ARHGAP22: variants seen among roughly 807,000 people sequenced by gnomAD.
The protein encoded by ARHGAP22 is Rho GTPase activating protein 22, also known as rho GTPase-activating protein 22.
A neutral mutation model predicts 59.1 loss-of-function variants in ARHGAP22; 48 were observed. The observed-to-expected ratio is 0.81, with a 90% CI of 0.64 to 1.03. The LOEUF is 1.03. ARHGAP22 is among the 50% of genes least tolerant of loss of function. ARHGAP22 has a pLI of 0.00. For missense variants in ARHGAP22, 1,015 were observed against 958.7 expected (o/e 1.06, Z -0.78); for synonymous variants, 445 against 416.4 (o/e 1.07, Z -0.84).
intron 9 of ARHGAP22, among the ~76,000 whole-genome samples, chr10:48,447,825 A>G (rs1485859807): frequency 6.6e-6 from 1 of 152,206 alleles, no homozygotes; most frequent in Non-Finnish European, 1.5e-5. Flanking sequence ...GCTCAGCTGA[A>G]CAATGATGTC....
intron 1 of ARHGAP22, among the ~76,000 whole-genome samples, chr10:48,598,468 T>G (rs981547794): frequency 3.3e-5 from 5 of 152,076 alleles, no homozygotes; most frequent in Non-Finnish European, 5.9e-5. Context: ...CAGCTGGCAC[T>G]GGGGGAAGAG....
chr10:48,618,120 T>C (rs1378584489), intron 1 of ARHGAP22, among the ~76,000 whole-genome samples: 1 of 152,038 alleles, frequency 6.6e-6, no homozygotes, highest in Non-Finnish European at 1.5e-5. Context: ...AGTAAATTTC[T>C]GGACATATAC....
chr10:48,457,710 G>T (rs2133748413), intron 5 of ARHGAP22, among the ~76,000 whole-genome samples: 1 of 152,274 alleles, frequency 6.6e-6, no homozygotes, highest in East Asian at 1.9e-4. Context: ...AGGCTTCCAG[G>T]CCTGGTGAGG....
intron 6 of ARHGAP22, 81 bp from the exon 7 acceptor site, chr10:48,454,242 G>C: frequency 7.6e-7 from 1 of 1,308,012 alleles, no homozygotes. Context: ...GGTGGGCAAA[G>C]AGAAGGGAGG....
chr10:48,495,231 G>A (rs2050796363), intron 3 of ARHGAP22, among the ~76,000 whole-genome samples: 1 of 152,182 alleles, frequency 6.6e-6, no homozygotes, highest in African/African-American at 2.4e-5. Flanking sequence ...GGGATGTGGA[G>A]GGCTCTGGGA....
At chr10:48,541,758 G>A (rs1228902993) in intron 3 of ARHGAP22, among the ~76,000 whole-genome samples, 2 of 152,186 alleles carry the variant, frequency 1.3e-5, no homozygotes, top group Non-Finnish European at 2.9e-5. Context: ...GGACACTAAA[G>A]GCACCTTCCA....
At chr10:48,574,609 A>ATGTG (rs2058595715) in intron 2 of ARHGAP22, 1 of 152,192 alleles carries the variant, frequency 6.6e-6, no homozygotes, top group South Asian at 2.1e-4. Flanking sequence ...CTGTGAGCAC[A>ATGTG]AGATGAGCTC....
chr10:48,441,644 G>C (rs919880751), downstream of ARHGAP22, among the ~76,000 whole-genome samples: 10 of 152,066 alleles, frequency 6.6e-5, no homozygotes, highest in African/African-American at 2.4e-4. Context: ...AGTAGAGACA[G>C]GGTTTCACCA....
intron 2 of ARHGAP22, among the ~76,000 whole-genome samples, chr10:48,572,003 G>A (rs976339465): frequency 1.5e-4 from 23 of 152,122 alleles, no homozygotes; most frequent in Non-Finnish European, 3.2e-4. Flanking sequence ...TCTTGGCCAA[G>A]GGGAACCTAG....
chr10:48,604,635 A>G, intron 1 of ARHGAP22, 128 bp downstream of exon 1: 2 of 1,445,326 alleles, frequency 1.4e-6, no homozygotes, highest in Non-Finnish European at 1.9e-6. Flanking sequence ...GATGCTCACT[A>G]TTCAGCGGCA....
chr10:48,561,372 C>A (rs2057676882), intron 2 of ARHGAP22, among the ~76,000 whole-genome samples: 1 of 152,094 alleles, frequency 6.6e-6, no homozygotes, highest in Non-Finnish European at 1.5e-5. Context: ...GAATGATATA[C>A]CTAAACACAA....
At chr10:48,560,370 C>A (rs1447428327) in intron 2 of ARHGAP22, among the ~76,000 whole-genome samples, 2 of 152,116 alleles carry the variant, frequency 1.3e-5, no homozygotes, top group African/African-American at 4.8e-5. Context: ...TTTTCCCCAA[C>A]AATAATAACT....
At chr10:48,557,231 T>C (rs1405097073) in intron 2 of ARHGAP22, among the ~76,000 whole-genome samples, 5 of 152,132 alleles carry the variant, frequency 3.3e-5, no homozygotes, top group African/African-American at 1.2e-4. Context: ...GATCCATCAC[T>C]GGCTAACGGG....
At chr10:48,557,685 C>A (rs7350424) in intron 2 of ARHGAP22, among the ~76,000 whole-genome samples, 23,286 of 152,226 alleles carry the variant, frequency 0.15, 1,883 homozygotes, top group Admixed American at 0.23. Context: ...AAGAAGCCAC[C>A]GTGGAGAGCC....
chr10:48,483,036 T>C (rs1564741450), intron 3 of ARHGAP22, among the ~76,000 whole-genome samples: 1 of 152,100 alleles, frequency 6.6e-6, no homozygotes, highest in Non-Finnish European at 1.5e-5. Context: ...CATGCAATAT[T>C]TGTTTTTCTA....
At position 48,479,652 on chromosome 10, in the gene ARHGAP22, CCA is replaced by C; in HGVS notation, c.433_434del (p.Trp145GlyfsTer45). ...GGGCAGTACCTCCGCCCAGCGGGGC[CCA>C]GATGACTCGGCGGATGGCCTGCACC... ...DWVQAIRRVIWAPLGGGIFGQ... is the reference protein window; with the variant it reads ...DWVQAIRRVIXAPLGGGIFGQ... On this transcript the variant is annotated frameshift_variant, in exon 4 of 10. Coordinates refer to ENST00000249601, the MANE Select transcript of ARHGAP22 (RefSeq NM_021226.4). LOFTEE classifies it high-confidence loss of function. 1 of 1,613,772 alleles carries C rather than the reference CCA, an allele frequency of 6.2e-7. No homozygotes were observed. The highest frequency in any genetic ancestry group is 2.2e-5 in the East Asian group (1 of 44,880).
At chr10:48,651,216 G>A (rs182414332) in intron 1 of ARHGAP22, among the ~76,000 whole-genome samples, 149 of 152,230 alleles carry the variant, frequency 9.8e-4, no homozygotes, top group Middle Eastern at 3.4e-3. Flanking sequence ...TAATGTGGAG[G>A]TTGAGGTCCA....
At chr10:48,635,509 G>A (rs1459670532) in intron 1 of ARHGAP22, among the ~76,000 whole-genome samples, 1 of 152,210 alleles carries the variant, frequency 6.6e-6, no homozygotes, top group African/African-American at 2.4e-5. Context: ...GGGACCCTAA[G>A]CCCTGGGCAA....
At chr10:48,590,771 G>T (rs1036780974) in intron 1 of ARHGAP22, among the ~76,000 whole-genome samples, 1 of 152,096 alleles carries the variant, frequency 6.6e-6, no homozygotes, top group Non-Finnish European at 1.5e-5. Flanking sequence ...GGCCGTCCTG[G>T]GGACTCTGGA....
Sources: gnomAD v4.1 joint callset for allele counts (sites outside exome capture counted in the v4.1 genomes callset) on GRCh38, gnomAD v4.1.1 for gene constraint, MANE v1.5 for transcripts, NCBI Gene and HGNC (gene_info 2026-07-23, HGNC 2026-07-21) for gene names.